TANGO2: variants seen among roughly 807,000 people sequenced by gnomAD.
TANGO2 encodes the protein transport and golgi organization 2 homolog, also known as transport and Golgi organization protein 2 homolog.
TANGO2 carries 26 observed loss-of-function variants against 39.1 expected under a neutral mutation model. The observed-to-expected ratio is 0.67, with a 90% CI of 0.49 to 0.92. The LOEUF (loss-of-function observed/expected upper bound fraction) is 0.92, where lower values mean the gene tolerates loss of function less well. Among genes scored for constraint, TANGO2 ranks in the 40% least tolerant of loss-of-function variants. TANGO2 has a pLI of 0.00. For synonymous variants in TANGO2, 131 were observed against 144.5 expected (o/e 0.91, Z 0.67); for missense variants, 326 against 360.1 (o/e 0.91, Z 0.77).
intron 2 of TANGO2, among the ~76,000 whole-genome samples, chr22:20,037,990 G>A (rs1413431218): frequency 1.3e-5 from 2 of 152,180 alleles, no homozygotes; most frequent in Non-Finnish European, 2.9e-5. Context: ...TTGGGAGGCT[G>A]AGACAAGAGA....
At chr22:20,021,053 C>G (rs2039555557), upstream of TANGO2, 1 of 151,736 alleles carries the variant, frequency 6.6e-6, no homozygotes. Context: ...GTGAACGCGC[C>G]GGCTTCGGGC....
chr22:20,063,891 C>T (rs1348754391), intron 8 of TANGO2, among the ~76,000 whole-genome samples: 1 of 152,244 alleles, frequency 6.6e-6, no homozygotes, highest in East Asian at 1.9e-4. Flanking sequence ...AGGCAAGTGC[C>T]AACTCCACTC....
At chr22:20,046,110 T>C (rs1205383623) in intron 3 of TANGO2, among the ~76,000 whole-genome samples, 2 of 152,236 alleles carry the variant, frequency 1.3e-5, no homozygotes, top group East Asian at 3.9e-4. Flanking sequence ...CTTAGTTCGT[T>C]TGTGTTGCTC....
intron 2 of TANGO2, among the ~76,000 whole-genome samples, chr22:20,037,279 G>A (rs999280333): frequency 6.6e-6 from 1 of 152,146 alleles, no homozygotes; most frequent in Non-Finnish European, 1.5e-5. Flanking sequence ...GTCCTGAGCT[G>A]AGGAAAAAGA....
At chr22:20,049,685 G>T (rs1035610431) in intron 3 of TANGO2, among the ~76,000 whole-genome samples, 1 of 148,622 alleles carries the variant, frequency 6.7e-6, no homozygotes, top group Non-Finnish European at 1.5e-5. Flanking sequence ...AAAGAAAAAA[G>T]AAATCAGGCA....
Position 20,036,655 on chromosome 22 carries a change from C to T in TANGO2, c.-39-105C>T, listed in dbSNP as rs149623878. On this transcript the variant is annotated intron_variant, in intron 1 of 8. Transcript: ENST00000327374. ...GTTCCCCCACACCCAGCAAGTAGTACAGACACCACAGAGGTGGTTCTCTCT... is the reference window on the plus strand; with the variant it reads ...GTTCCCCCACACCCAGCAAGTAGTATAGACACCACAGAGGTGGTTCTCTCT... 6.7e-5 allele frequency: 65 copies of T among 973,686 alleles called. 1 individual carries two copies. The Admixed American group carries it at 7.7e-4, about 12-fold the overall frequency. 60.3% of individuals were successfully genotyped at this position (973,686 alleles called of 1,614,324 possible).
chr22:20,040,724 CA>C (rs2043746040), intron 2 of TANGO2, among the ~76,000 whole-genome samples: 1 of 152,350 alleles, frequency 6.6e-6, no homozygotes, highest in South Asian at 2.1e-4. Context: ...TAGCACTGTC[CA>C]GCCCAGGGAA....
At chr22:20,045,694 G>T (rs1383533968) in intron 3 of TANGO2, among the ~76,000 whole-genome samples, 2 of 151,770 alleles carry the variant, frequency 1.3e-5, no homozygotes, top group African/African-American at 2.4e-5. Flanking sequence ...GTAGAGATGG[G>T]GTTTCTCCAT....
At chr22:20,031,651 A>G (rs2041896049) in intron 1 of TANGO2, among the ~76,000 whole-genome samples, 1 of 152,140 alleles carries the variant, frequency 6.6e-6, no homozygotes, top group African/African-American at 2.4e-5. Context: ...TTCTAGTAGG[A>G]CCACATGTGA....
chr22:20,049,651 A>G (rs1170878369), intron 3 of TANGO2, among the ~76,000 whole-genome samples: 2 of 143,890 alleles, frequency 1.4e-5, no homozygotes, highest in Non-Finnish European at 3.0e-5. Context: ...CAAGAGCGAA[A>G]CTCTGTCTCA....
At chr22:20,029,650 G>A (rs1201227587) in intron 1 of TANGO2, among the ~76,000 whole-genome samples, 2 of 152,188 alleles carry the variant, frequency 1.3e-5, no homozygotes, top group African/African-American at 4.8e-5. Context: ...GAAGAGGCCT[G>A]TGCTCTGTCC....
At chr22:20,059,409 AGTT>A (rs2047958134) in intron 6 of TANGO2, among the ~76,000 whole-genome samples, 1 of 152,104 alleles carries the variant, frequency 6.6e-6, no homozygotes, top group South Asian at 2.1e-4. Context: ...GTAGGAATGG[AGTT>A]GTTAAGTCGT....
chr22:20,026,089 A>G (rs1039802950), intron 1 of TANGO2, among the ~76,000 whole-genome samples: 16 of 152,224 alleles, frequency 1.1e-4, no homozygotes, highest in Non-Finnish European at 2.2e-4. Flanking sequence ...GCACAGGCAG[A>G]CAGTGGGCAG....
rs193218285 is a variant in TANGO2 at position 20,037,081 on chromosome 22, G to A, written c.56+227G>A. On this transcript the variant is annotated intron_variant, in intron 2 of 8. Coordinates refer to ENST00000327374, the MANE Select transcript of TANGO2 (RefSeq NM_152906.7). Reference sequence around the variant, plus strand: ...ACAAAGACGTGAAGACTCAGCCACAGAAGGCAGCCACAGGTAGGACAGAGG... The same window carrying A: ...ACAAAGACGTGAAGACTCAGCCACAAAAGGCAGCCACAGGTAGGACAGAGG... The A allele has an allele frequency of 1.2e-4, 179 of 1,530,318 alleles. 2 individuals carry two copies. In the East Asian group the frequency reaches 3.8e-3, roughly 32 times the overall value. 94.8% of individuals were successfully genotyped at this position (1,530,318 alleles called of 1,614,324 possible).
Position 20,052,589 on chromosome 22 carries a change from G to T in TANGO2, c.265+5G>T. On this transcript the variant is annotated splice_donor_5th_base_variant and intron_variant, in intron 4 of 8. Coordinates refer to ENST00000327374, the MANE Select transcript of TANGO2 (RefSeq NM_152906.7). ...ACTGGCAGGCCCGAGGGCGAGGTAA[G>T]GCGAGTGGGGTGGGGCCAAGGTGAG... 1 of 1,558,658 alleles carries T rather than the reference G, an allele frequency of 6.4e-7. No homozygotes were observed. The highest frequency in any genetic ancestry group is 8.7e-7 in the Non-Finnish European group (1 of 1,151,564).
chr22:20,058,992 A>T (rs2047887487), intron 6 of TANGO2, among the ~76,000 whole-genome samples: 1 of 152,178 alleles, frequency 6.6e-6, no homozygotes, highest in Non-Finnish European at 1.5e-5. Flanking sequence ...TCAGAAGGTG[A>T]GCTCTAGGAC....
intron 2 of TANGO2, among the ~76,000 whole-genome samples, chr22:20,037,770 T>C (rs2043129529): frequency 6.6e-6 from 1 of 152,122 alleles, no homozygotes; most frequent in Non-Finnish European, 1.5e-5. Flanking sequence ...TGGAGTAGTG[T>C]TGGGCTGGCT....
At chr22:20,024,080 G>A (rs1340026796) in intron 1 of TANGO2, among the ~76,000 whole-genome samples, 6 of 152,158 alleles carry the variant, frequency 3.9e-5, no homozygotes, top group East Asian at 3.9e-4. Flanking sequence ...CCAACTACTC[G>A]AAAGGCTGAG....
In TANGO2 at chr22:20,043,444, G is replaced by C; in HGVS notation, c.145+1G>C. 1 of 1,610,036 alleles carries C rather than the reference G, an allele frequency of 6.2e-7. No homozygotes were observed. On this transcript the variant is annotated splice_donor_variant, in intron 3 of 8. Coordinates refer to ENST00000327374, the MANE Select transcript of TANGO2 (RefSeq NM_152906.7). LOFTEE classifies it high-confidence loss of function. ...GGGAACAACAACGAGATCCTCAGTG[G>C]TGAGTCTTCCTGCGTGCTCAGCGGT...
Sources: gnomAD v4.1 joint callset for allele counts (sites outside exome capture counted in the v4.1 genomes callset) on GRCh38, gnomAD v4.1.1 for gene constraint, MANE v1.5 for transcripts, NCBI Gene and HGNC (gene_info 2026-07-23, HGNC 2026-07-21) for gene names.